Variants in ZNF609 observed in about 807,000 individuals in gnomAD.
ZNF609 encodes the protein zinc finger protein 609.
In ZNF609, 11 loss-of-function variants were observed where a neutral mutation model predicts 109.5. The ratio of observed to expected loss-of-function variants is 0.10; its 90% CI spans 0.06 to 0.17. The LOEUF is 0.17. Among genes scored for constraint, ZNF609 ranks in the 10% least tolerant of loss-of-function variants. The probability of loss-of-function intolerance (pLI) is 1.00; values close to 1 mark genes in which losing one functional copy is unlikely to be tolerated. For synonymous variants in ZNF609, 646 were observed against 662.0 expected (o/e 0.98, Z 0.37); for missense variants, 1,559 against 1,772.4 (o/e 0.88, Z 2.16).
At chr15:64,631,527 A>ATTTTC (rs1041040442) in intron 3 of ZNF609, 60 of 644,492 alleles carry the variant, frequency 9.3e-5, no homozygotes, top group Middle Eastern at 3.2e-4. Flanking sequence ...ACAACTTCAT[A>ATTTTC]TTTTCTTTTC....
At chr15:64,486,792 T>G (rs1054375332) in intron 1 of ZNF609, among the ~76,000 whole-genome samples, 6 of 152,108 alleles carry the variant, frequency 3.9e-5, no homozygotes, top group Non-Finnish European at 5.9e-5. Flanking sequence ...ATTTTTTGTA[T>G]TTTTAGTAGA....
chr15:64,504,042 G>A (rs1432263139), intron 2 of ZNF609, among the ~76,000 whole-genome samples: 2 of 152,100 alleles, frequency 1.3e-5, no homozygotes, highest in African/African-American at 4.8e-5. Flanking sequence ...CTTTCTTAAC[G>A]CCTTCTTCCA....
At chr15:64,677,855 A>C (rs528025287) in intron 5 of ZNF609, among the ~76,000 whole-genome samples, 1 of 152,214 alleles carries the variant, frequency 6.6e-6, no homozygotes, top group Non-Finnish European at 1.5e-5. Context: ...GAAAACATCC[A>C]CTGATGCATG....
chr15:64,627,168 C>T (rs979336862), intron 3 of ZNF609, among the ~76,000 whole-genome samples: 35 of 149,774 alleles, frequency 2.3e-4, no homozygotes, highest in African/African-American at 7.4e-5. Flanking sequence ...CCAGCCTGGG[C>T]GACAGAGAGT....
chr15:64,477,447 C>G (rs898780936), intron 1 of ZNF609, among the ~76,000 whole-genome samples: 4 of 151,774 alleles, frequency 2.6e-5, no homozygotes, highest in African/African-American at 9.7e-5. Context: ...GCCTGCTTTA[C>G]TTACCCTTTT....
At chr15:64,646,867 G>A (rs1339269705) in intron 3 of ZNF609, among the ~76,000 whole-genome samples, 1 of 147,726 alleles carries the variant, frequency 6.8e-6, no homozygotes, top group Non-Finnish European at 1.5e-5. Context: ...TTGAACCTGG[G>A]AGGCAGAGGT....
intron 1 of ZNF609, among the ~76,000 whole-genome samples, chr15:64,490,098 A>G (rs1400807684): frequency 5.9e-5 from 9 of 152,092 alleles, no homozygotes; most frequent in Admixed American, 5.2e-4. Flanking sequence ...AACTGAGACT[A>G]CAGGCATTTG....
chr15:64,568,965 C>T (rs975650160), intron 2 of ZNF609, among the ~76,000 whole-genome samples: 1 of 152,278 alleles, frequency 6.6e-6, no homozygotes, highest in East Asian at 1.9e-4. Context: ...TTATCTTAAC[C>T]ACTCTTACTA....
At chr15:64,575,675 T>C (rs1180668233) in intron 2 of ZNF609, among the ~76,000 whole-genome samples, 1 of 152,198 alleles carries the variant, frequency 6.6e-6, no homozygotes, top group Non-Finnish European at 1.5e-5. Context: ...GTAGTATTTG[T>C]ATATTTACAA....
rs373377345 is a variant in ZNF609 at position 64,500,108 on chromosome 15, C to T, written c.689C>T (p.Pro230Leu). Residue 230 changes from proline to leucine, a missense_variant, in exon 2 of 10, where the codon CCG (proline) becomes CTG (leucine). Physicochemically the swap from Pro to Leu is moderately conservative, Grantham distance 98 (BLOSUM62 -3). This residue lies in a region of ZNF609 where 291 missense variants were observed against 317.8 expected (regional missense o/e 0.92). Transcript: ENST00000326648. ...GCGCTCAATCCTTTGGGAACTAAAC[C>T]GGAGCCAGAGGAAGGGGAGAATGAG... ...GAALNPLGTKPEPEEGENECR... is the reference protein window; with the variant it reads ...GAALNPLGTKLEPEEGENECR... 2.2e-5 allele frequency: 35 copies of T among 1,613,798 alleles called. No individual in the cohort carries two copies. The highest frequency in any genetic ancestry group is 2.0e-4 in the East Asian group (9 of 44,876).
intron 1 of ZNF609, among the ~76,000 whole-genome samples, chr15:64,498,465 A>G (rs1230711789): frequency 6.6e-6 from 1 of 152,204 alleles, no homozygotes; most frequent in Non-Finnish European, 1.5e-5. Context: ...TACATGAGAA[A>G]GTGAAGAGTT....
intron 3 of ZNF609, among the ~76,000 whole-genome samples, chr15:64,633,582 A>G (rs145975007): frequency 5.4e-4 from 83 of 152,324 alleles, no homozygotes; most frequent in Middle Eastern, 3.4e-3. Flanking sequence ...GCCTGGACCC[A>G]TAAATAAAGT....
chr15:64,484,050 C>CTTTTTTTTT (rs11290071), intron 1 of ZNF609, among the ~76,000 whole-genome samples: 1 of 128,802 alleles, frequency 7.8e-6, no homozygotes, highest in Non-Finnish European at 1.7e-5. Context: ...AGTTTCTTTC[C>CTTTTTTTTT]TTTTTTTTTT....
At chr15:64,563,647 A>G (rs71396423) in intron 2 of ZNF609, among the ~76,000 whole-genome samples, 2 of 151,732 alleles carry the variant, frequency 1.3e-5, no homozygotes, top group Non-Finnish European at 2.9e-5. Context: ...ATGGTGGCGC[A>G]TGCCTGTAAT....
chr15:64,479,752 C>G (rs1464771691), intron 1 of ZNF609, among the ~76,000 whole-genome samples: 2 of 151,874 alleles, frequency 1.3e-5, no homozygotes, highest in African/African-American at 4.8e-5. Flanking sequence ...AACCCCGTCT[C>G]TACTAAAAAT....
chr15:64,667,857 A>G (rs1016238020), intron 3 of ZNF609, among the ~76,000 whole-genome samples: 3 of 152,250 alleles, frequency 2.0e-5, no homozygotes, highest in African/African-American at 7.2e-5. Flanking sequence ...AAAAAAGCTC[A>G]TAGACTAAGA....
intron 1 of ZNF609, among the ~76,000 whole-genome samples, chr15:64,483,038 A>G (rs1408416823): frequency 6.6e-6 from 1 of 151,910 alleles, no homozygotes; most frequent in Non-Finnish European, 1.5e-5. Context: ...AAATATTCAT[A>G]TTGCTGGAGG....
Position 64,681,350 on chromosome 15 carries a change from A to G in ZNF609, c.4204A>G (p.Thr1402Ala). The G allele has an allele frequency of 6.2e-7, 1 of 1,614,070 alleles. No individual in the cohort carries two copies. Among genetic ancestry groups the G allele is most frequent in the Non-Finnish European group, 8.5e-7 (1 of 1,179,986 alleles). ...TAIVASQQGS[T>A]PSLYPPPRR is the part of the protein sequence containing the mutation. ...CATTGTTGCCAGCCAACAAGGCTCA[A>G]CTCCCTCACTCTACCCACCCCCCAG... Residue 1402 changes from threonine (T) to alanine (A), a missense_variant, in exon 9 of 10, where the codon ACT (threonine) becomes GCT (alanine). Thr to Ala is a moderately conservative substitution (Grantham distance 58). Coordinates refer to ENST00000326648, the MANE Select transcript of ZNF609 (RefSeq NM_015042.2).
At chr15:64,580,065 A>G (rs1056460424) in intron 2 of ZNF609, among the ~76,000 whole-genome samples, 4 of 152,220 alleles carry the variant, frequency 2.6e-5, no homozygotes, top group African/African-American at 4.8e-5. Flanking sequence ...AATGGTTCCA[A>G]TGTAATCACA....
Sources: allele counts gnomAD v4.1 joint callset (sites outside exome capture counted in the v4.1 genomes callset), GRCh38; gene constraint gnomAD v4.1.1; regional missense constraint gnomAD v4.1.1; transcripts MANE v1.5; gene names NCBI Gene and HGNC (gene_info 2026-07-23, HGNC 2026-07-21).